CNGB1: variants seen among roughly 807,000 people sequenced by gnomAD.
CNGB1 encodes cyclic nucleotide-gated channel beta-1.
In CNGB1, 126 loss-of-function variants were observed where a neutral mutation model predicts 151.7. That is an observed-to-expected ratio of 0.83 (90% CI 0.72 to 0.96). The LOEUF is 0.96. CNGB1 is among the 40% of genes least tolerant of loss of function. The pLI is 0.00. For synonymous variants in CNGB1, 623 were observed against 635.1 expected, an observed-to-expected ratio of 0.98 and a Z score of 0.29; for missense variants, 1,698 against 1,627.0, an observed-to-expected ratio of 1.04 and a Z score of -0.75.
At chr16:57,954,867 G>C in intron 12 of CNGB1, 1 of 1,006,240 alleles carries the variant, frequency 9.9e-7, no homozygotes, top group African/African-American at 1.7e-5. Context: ...CTCTCAAAGA[G>C]ATGCTCAATA....
intron 16 of CNGB1, among the ~76,000 whole-genome samples, chr16:57,935,573 G>A (rs558119532): frequency 1.9e-4 from 29 of 151,938 alleles, no homozygotes; most frequent in Admixed American, 4.6e-4. Context: ...CCAGCTACTC[G>A]GGAGGCGGAT....
At position 57,931,856 on chromosome 16, in the gene CNGB1, T is replaced by C. The variant is rs1457955348; in HGVS notation, c.1395A>G (p.Pro465=). Residue 465 remains proline (P), a synonymous_variant, in exon 17 of 33, where the codon CCA becomes CCG. Transcript: ENST00000251102. The stretch of plus-strand genomic sequence containing the variant: ...CATCAGTATCTTCCACCTGCACTTC[T>C]GGGTGCTGTTTCGTGGCAGGCACTG... ...SSGVPATKQH[P]EVQVEDTDAD... 5 of 1,614,122 alleles carry C rather than the reference T, an allele frequency of 3.1e-6. No homozygotes were observed. Among genetic ancestry groups the C allele is most frequent in the Non-Finnish European group, 4.2e-6 (5 of 1,180,020 alleles).
chr16:57,923,324 G>T lies in CNGB1; in HGVS notation c.1592C>A (p.Ala531Glu). Reference sequence around the variant, plus strand: ...AGACCAGGCAACCACTGGGGACTCTGCTGGTGACAACGCCTTGAGCTCTTC... The same window carrying T: ...AGACCAGGCAACCACTGGGGACTCTTCTGGTGACAACGCCTTGAGCTCTTC... ...EAEELKALSP[A>E]ESPVVAWSDP... is the part of the protein sequence containing the mutation. The change falls in exon 18 of 33, where the codon GCA becomes GAA. Residue 531 changes from alanine to glutamate, a missense_variant. Transcript: ENST00000251102. 1 of 1,613,338 alleles carries T rather than the reference G, an allele frequency of 6.2e-7. No individual in the cohort carries two copies. The highest frequency in any genetic ancestry group is 8.5e-7 in the Non-Finnish European group (1 of 1,179,766).
chr16:57,925,322 T>C (rs1961154981), intron 17 of CNGB1, among the ~76,000 whole-genome samples: 1 of 152,066 alleles, frequency 6.6e-6, no homozygotes. Flanking sequence ...TCTTTATAAA[T>C]TACCCAGTCT....
At chr16:57,931,347 G>A (rs1304931864) in intron 17 of CNGB1, among the ~76,000 whole-genome samples, 1 of 151,886 alleles carries the variant, frequency 6.6e-6, no homozygotes, top group Admixed American at 6.6e-5. Flanking sequence ...GAAAGACGGG[G>A]TTTCGCTATG....
chr16:57,955,111 G>A, intron 12 of CNGB1: 1 of 1,417,874 alleles, frequency 7.1e-7, no homozygotes. Context: ...CTTGCAGGCT[G>A]CCCATGGCTG....
chr16:57,963,145 T>C (rs1962305680), intron 4 of CNGB1, 81 bp from the exon 5 acceptor site: 1 of 1,023,708 alleles, frequency 9.8e-7, no homozygotes, highest in African/African-American at 1.5e-5. Context: ...ACTAGGTGAG[T>C]CTCTGTCCCT....
chr16:57,898,480 C>G (rs551300211), intron 29 of CNGB1, among the ~76,000 whole-genome samples: 73 of 152,236 alleles, frequency 4.8e-4, no homozygotes, highest in Non-Finnish European at 7.9e-4. Flanking sequence ...TGGGTTCAAG[C>G]AATTCTTGTG....
intron 14 of CNGB1, among the ~76,000 whole-genome samples, chr16:57,941,815 GTTAT>G (rs1233144643): frequency 1.3e-5 from 2 of 151,858 alleles, no homozygotes; most frequent in African/African-American, 4.8e-5. Flanking sequence ...ACCCTCACTA[GTTAT>G]TTATTTTTCT....
Position 57,939,511 on chromosome 16 carries a change from C to T in CNGB1, c.1291G>A (p.Glu431Lys). 2 of 1,614,078 alleles carry T rather than the reference C, an allele frequency of 1.2e-6. No homozygotes were observed. The highest frequency in any genetic ancestry group is 1.7e-6 in the Non-Finnish European group (2 of 1,179,956). The change falls in exon 16 of 33, where the codon GAG becomes AAG. Residue 431 changes from glutamate to lysine, a missense_variant. Glu to Lys is a moderately conservative substitution (Grantham distance 56, BLOSUM62 1). Transcript: ENST00000251102. The stretch of plus-strand genomic sequence containing the variant: ...TCCTGGGGCTCCTTTTCAGCCTCCT[C>T]TTCAGCCACCTCCTCGGCCTCCTCC... The part of the protein sequence containing the change: ...AKEEAEEVAE[E>K]EAEKEPQDWA...
rs1220993632 is a variant in CNGB1 at position 57,960,931 on chromosome 16, T to C, written c.459-16A>G. ...CAGCCCAGGCCTGCAGAGGGGCCAG[T>C]GATCAGCAGAGTGCCCTGAGGGAAC... On this transcript the variant is annotated splice_polypyrimidine_tract_variant and intron_variant, in intron 7 of 32. Transcript: ENST00000251102. 1.2e-6 allele frequency: 2 copies of C among 1,613,806 alleles called. No homozygotes were observed. The highest frequency in any genetic ancestry group is 1.7e-6 in the Non-Finnish European group (2 of 1,179,824).
chr16:57,887,101 GT>G (rs1297901386), intron 32 of CNGB1, among the ~76,000 whole-genome samples: 5 of 152,174 alleles, frequency 3.3e-5, no homozygotes, highest in African/African-American at 1.2e-4. Flanking sequence ...GCCCAGGCTG[GT>G]CTTGAAATCC....
chr16:57,938,713 C>G (rs1381366757), intron 16 of CNGB1, among the ~76,000 whole-genome samples: 1 of 152,176 alleles, frequency 6.6e-6, no homozygotes, highest in Non-Finnish European at 1.5e-5. Context: ...GTCTGCCTCA[C>G]AGAGCGGCTG....
rs528462891 is a variant in CNGB1, at chr16:57,960,927, C to T, written c.459-12G>A. ...GCCGCAGCCCAGGCCTGCAGAGGGG[C>T]CAGTGATCAGCAGAGTGCCCTGAGG... is the stretch of plus-strand genomic sequence containing the variant. On this transcript the variant is annotated splice_polypyrimidine_tract_variant and intron_variant, in intron 7 of 32. Transcript: ENST00000251102. 5.0e-6 allele frequency: 8 copies of T among 1,613,950 alleles called. No individual in the cohort carries two copies. The African/African-American group carries it at 5.3e-5, about 11-fold the overall frequency.
intron 29 of CNGB1, among the ~76,000 whole-genome samples, chr16:57,899,878 G>A (rs556428783): frequency 2.0e-5 from 3 of 152,286 alleles, no homozygotes; most frequent in South Asian, 2.1e-4. Context: ...CAGAGAGATC[G>A]CTGCCGAGCA....
chr16:57,958,326 G>A, intron 11 of CNGB1, 84 bp downstream of exon 11: 3 of 1,277,614 alleles, frequency 2.3e-6, no homozygotes, highest in Non-Finnish European at 3.4e-6. Flanking sequence ...TCTGCCACAG[G>A]GCCAACCATC....
chr16:57,967,099 C>T (rs1962417995), intron 2 of CNGB1, 29 bp downstream of exon 2: 2 of 1,613,990 alleles, frequency 1.2e-6, no homozygotes, highest in East Asian at 2.2e-5. Flanking sequence ...GCGAGGCCGG[C>T]CTGCCCCTCC....
chr16:57,898,175 A>C (rs749089492), intron 29 of CNGB1, among the ~76,000 whole-genome samples: 29 of 152,246 alleles, frequency 1.9e-4, no homozygotes, highest in Admixed American at 7.2e-4. Flanking sequence ...TAGTGATGTC[A>C]TGGAATGGGA....
At chr16:57,913,668 A>G (rs1960791735) in intron 23 of CNGB1, among the ~76,000 whole-genome samples, 1 of 152,148 alleles carries the variant, frequency 6.6e-6, no homozygotes, top group Non-Finnish European at 1.5e-5. Flanking sequence ...TTTTGTAGAG[A>G]CAGAGTCTCA....
Sources: allele counts gnomAD v4.1 joint callset (sites outside exome capture counted in the v4.1 genomes callset), GRCh38; gene constraint gnomAD v4.1.1; transcripts MANE v1.5; gene names NCBI Gene and HGNC (gene_info 2026-07-23, HGNC 2026-07-21).